The following CATSPERE variants were observed in gnomAD, a reference collection of about 807,000 sequenced individuals.
The protein encoded by CATSPERE is catsper channel auxiliary subunit epsilon.
CATSPERE carries 93 observed loss-of-function variants against 114.1 expected under a neutral mutation model. The observed-to-expected ratio is 0.81, with a 90% confidence interval of 0.69 to 0.97. CATSPERE has a LOEUF of 0.97. Among genes scored for constraint, CATSPERE ranks in the 50% least tolerant of loss-of-function variants. The pLI is 0.00. For missense variants in CATSPERE, 1,058 were observed against 1,131.6 expected, an observed-to-expected ratio of 0.93 and a Z score of 0.93; for synonymous variants, 341 against 384.1, an observed-to-expected ratio of 0.89 and a Z score of 1.31.
intron 2 of CATSPERE, among the ~76,000 whole-genome samples, chr1:244,475,123 T>C (rs911964302): frequency 3.3e-5 from 5 of 152,170 alleles, no homozygotes; most frequent in Non-Finnish European, 7.3e-5. Context: ...TTTATAAATT[T>C]CTATTTTTTC....
At chr1:244,456,167 G>C (rs1390444031) in intron 1 of CATSPERE, among the ~76,000 whole-genome samples, 1 of 151,184 alleles carries the variant, frequency 6.6e-6, no homozygotes, top group Non-Finnish European at 1.5e-5. Flanking sequence ...GCGTTGCAGT[G>C]AAATGCATAG....
At chr1:244,498,926 A>C (rs112571446) in intron 6 of CATSPERE, 76 bp from the exon 7 acceptor site, 1 of 1,071,108 alleles carries the variant, frequency 9.3e-7, no homozygotes, top group South Asian at 1.4e-5. Flanking sequence ...AAACATGTTT[A>C]TGGTTATGTT....
chr1:244,461,538 C>T (rs754614740), intron 1 of CATSPERE, 44 bp downstream of exon 1: 5 of 1,261,452 alleles, frequency 4.0e-6, no homozygotes, highest in African/African-American at 1.5e-5. Flanking sequence ...GCGGGGATTA[C>T]CCCCGGCGGG....
intron 17 of CATSPERE, among the ~76,000 whole-genome samples, chr1:244,603,300 A>G (rs1368151483): frequency 6.6e-6 from 1 of 152,172 alleles, no homozygotes; most frequent in East Asian, 1.9e-4. Context: ...ACAATGGGAT[A>G]GCCACAAGGA....
At chr1:244,491,603 C>G (rs1572377824) in intron 6 of CATSPERE, among the ~76,000 whole-genome samples, 1 of 152,096 alleles carries the variant, frequency 6.6e-6, no homozygotes, top group South Asian at 2.1e-4. Context: ...TCAGGCAGAA[C>G]TGAGGGAAAT....
chr1:244,551,662 G>A (rs1440437236), intron 8 of CATSPERE, among the ~76,000 whole-genome samples: 2 of 152,080 alleles, frequency 1.3e-5, no homozygotes, highest in African/African-American at 4.8e-5. Context: ...CTGGCTCTGG[G>A]TACACTGCCT....
intron 21 of CATSPERE, among the ~76,000 whole-genome samples, chr1:244,637,037 T>C (rs936445334): frequency 6.6e-6 from 1 of 152,018 alleles, no homozygotes; most frequent in South Asian, 2.1e-4. Flanking sequence ...CTCTCTCTCC[T>C]TGGGGAAACC....
In CATSPERE at chr1:244,584,022, GTACAATACCTCCATGCAATACCTCCA is replaced by G. The variant is rs1666649346; in HGVS notation, c.2085+98_2085+123del. On this transcript the variant is annotated intron_variant, in intron 13 of 21. Transcript: ENST00000366534. ...ACCAAATAATGCATACAATACCTCC[GTACAATACCTCCATGCAATACCTCCA>G]TACAATACCTCCATAGAGTACCATC... 5 of 1,022,464 alleles carry G rather than the reference GTACAATACCTCCATGCAATACCTCCA, an allele frequency of 4.9e-6. No homozygotes were observed. In the South Asian group the frequency reaches 5.5e-5, roughly 11 times the overall value. The allele number at this position is 1,022,464 out of a possible 1,614,324, so 63.3% of individuals were successfully genotyped here.
At chr1:244,511,559 T>C (rs1167299034) in intron 7 of CATSPERE, among the ~76,000 whole-genome samples, 2 of 152,222 alleles carry the variant, frequency 1.3e-5, no homozygotes, top group African/African-American at 2.4e-5. Context: ...TTCTCTCTTA[T>C]TGTTTATCAT....
intron 8 of CATSPERE, among the ~76,000 whole-genome samples, chr1:244,528,384 A>G (rs540310232): frequency 6.6e-5 from 10 of 152,392 alleles, no homozygotes; most frequent in African/African-American, 2.2e-4. Context: ...ATGGAATGAT[A>G]AAAGCAAATC....
chr1:244,490,737 G>A (rs746040893), intron 6 of CATSPERE, among the ~76,000 whole-genome samples: 1 of 151,918 alleles, frequency 6.6e-6, no homozygotes, highest in African/African-American at 2.4e-5. Flanking sequence ...GAGCAGAGAT[G>A]ATTATCCAGC....
intron 8 of CATSPERE, among the ~76,000 whole-genome samples, chr1:244,551,257 C>T (rs1175953860): frequency 7.2e-5 from 11 of 152,142 alleles, no homozygotes; most frequent in Non-Finnish European, 1.5e-4. Flanking sequence ...AAGATCAAAG[C>T]ATGAGATCCT....
Position 244,488,464 on chromosome 1 carries a change from A to G in CATSPERE, c.327-1983A>G, listed in dbSNP as rs555040243. Among the ~76,000 whole-genome samples the G allele has an allele frequency of 1.4e-3, 215 of 152,154 alleles. 1 individual carries two copies. Among genetic ancestry groups the G allele is most frequent in the African/African-American group, 4.9e-3 (202 of 41,478 alleles). ...TCTTCGGTCTTATTCTCAACTCTAC[A>G]CTTCAGCCTGTGCACTAACTCAAGA... On this transcript the variant is annotated intron_variant, in intron 5 of 21. Coordinates refer to ENST00000366534, the MANE Select transcript of CATSPERE (RefSeq NM_001130957.2).
At chr1:244,622,040 G>A (rs757669407) in intron 20 of CATSPERE, among the ~76,000 whole-genome samples, 49 of 152,080 alleles carry the variant, frequency 3.2e-4, no homozygotes, top group Non-Finnish European at 6.6e-4. Flanking sequence ...ACAGTTTATC[G>A]CATCTATCTC....
At chr1:244,463,398 G>A (rs1182386314) in intron 1 of CATSPERE, among the ~76,000 whole-genome samples, 2 of 151,960 alleles carry the variant, frequency 1.3e-5, no homozygotes, top group Non-Finnish European at 2.9e-5. Flanking sequence ...AAATTAGCTG[G>A]GCGTGGTGGC....
At chr1:244,550,754 C>A (rs1035453544) in intron 8 of CATSPERE, among the ~76,000 whole-genome samples, 1 of 152,172 alleles carries the variant, frequency 6.6e-6, no homozygotes, top group African/African-American at 2.4e-5. Context: ...TCCGCTTCAC[C>A]TGGGTCCTGC....
chr1:244,622,113 T>A (rs1207477332), intron 20 of CATSPERE, among the ~76,000 whole-genome samples: 1 of 152,210 alleles, frequency 6.6e-6, no homozygotes, highest in African/African-American at 2.4e-5. Context: ...TGCCTTCCTA[T>A]TCTGTACCCT....
chr1:244,509,385 A>G (rs192357341), intron 7 of CATSPERE, among the ~76,000 whole-genome samples: 1 of 151,986 alleles, frequency 6.6e-6, no homozygotes, highest in Non-Finnish European at 1.5e-5. Flanking sequence ...ATATTTATTG[A>G]TTTGCATATG....
chr1:244,500,691 T>C (rs1673900905), intron 7 of CATSPERE, among the ~76,000 whole-genome samples: 1 of 152,158 alleles, frequency 6.6e-6, no homozygotes, highest in African/African-American at 2.4e-5. Flanking sequence ...TCTGTTCTGT[T>C]CCATTGGTCT....
Sources: gnomAD v4.1 joint callset for allele counts (sites outside exome capture counted in the v4.1 genomes callset) on GRCh38, gnomAD v4.1.1 for gene constraint, MANE v1.5 for transcripts, NCBI Gene and HGNC (gene_info 2026-07-23, HGNC 2026-07-21) for gene names.